STK33: variants seen among roughly 807,000 people sequenced by gnomAD.
The protein encoded by STK33 is serine/threonine kinase 33, also known as serine/threonine-protein kinase 33.
Under a neutral mutation model 58.0 loss-of-function variants are expected in STK33, and 52 were observed. The observed-to-expected ratio is 0.90, with a 90% CI of 0.72 to 1.13. The LOEUF (loss-of-function observed/expected upper bound fraction) is 1.13. Among genes scored for constraint, STK33 ranks in the 50% most tolerant of loss-of-function variants. The pLI is 0.00. For synonymous variants in STK33, 215 were observed against 200.1 expected (o/e 1.07, Z -0.63); for missense variants, 630 against 604.2 (o/e 1.04, Z -0.45).
At chr11:8,545,296 A>G (rs1955825885) in intron 1 of STK33, among the ~76,000 whole-genome samples, 1 of 152,160 alleles carries the variant, frequency 6.6e-6, no homozygotes, top group Non-Finnish European at 1.5e-5. Context: ...TGTTCTTTTC[A>G]TCCTTTTTTA....
At chr11:8,350,586 C>G in the STK33 span, among the ~76,000 whole-genome samples, 90 of 152,320 alleles carry the variant, frequency 5.9e-4, no homozygotes, top group African/African-American at 1.9e-3. Flanking sequence ...CCACCCTCAT[C>G]TTGCACTAGA....
the STK33 span, among the ~76,000 whole-genome samples, chr11:8,358,571 G>A: frequency 6.6e-6 from 1 of 152,156 alleles, no homozygotes; most frequent in African/African-American, 2.4e-5. Flanking sequence ...TGAAGAGATG[G>A]TTGTAGAGGT....
chr11:8,575,248 G>A (rs776707193), intron 1 of STK33, among the ~76,000 whole-genome samples: 2 of 152,120 alleles, frequency 1.3e-5, no homozygotes, highest in Non-Finnish European at 2.9e-5. Flanking sequence ...CTACTCCTAG[G>A]TATACATGCA....
At chr11:8,579,141 T>C (rs1958385763) in intron 1 of STK33, among the ~76,000 whole-genome samples, 1 of 152,038 alleles carries the variant, frequency 6.6e-6, no homozygotes, top group Admixed American at 6.6e-5. Context: ...CAATCATTTC[T>C]GTCCATTTTA....
At chr11:8,363,117 T>C in the STK33 span, among the ~76,000 whole-genome samples, 1 of 151,552 alleles carries the variant, frequency 6.6e-6, no homozygotes, top group Admixed American at 6.6e-5. Flanking sequence ...AGATTAGCGC[T>C]GAGAAGTCCG....
At chr11:8,587,776 T>C (rs181234018) in intron 1 of STK33, among the ~76,000 whole-genome samples, 158 of 152,210 alleles carry the variant, frequency 1.0e-3, no homozygotes, top group African/African-American at 3.8e-3. Context: ...CAAGCGGGAA[T>C]CAGGTTACAA....
chr11:8,499,247 T>A (rs563488981), intron 1 of STK33, among the ~76,000 whole-genome samples: 1 of 151,972 alleles, frequency 6.6e-6, no homozygotes, highest in South Asian at 2.1e-4. Flanking sequence ...AACAACCCCA[T>A]CAAAAAGTGG....
At chr11:8,365,967 T>C in the STK33 span, among the ~76,000 whole-genome samples, 3 of 152,332 alleles carry the variant, frequency 2.0e-5, no homozygotes, top group East Asian at 5.8e-4. Context: ...CTCGGTCTAT[T>C]TCCATTTATT....
chr11:8,479,900 C>A (rs1591388899), intron 2 of STK33, among the ~76,000 whole-genome samples: 1 of 152,176 alleles, frequency 6.6e-6, no homozygotes, highest in Admixed American at 6.5e-5. Flanking sequence ...TTCTCCAGCA[C>A]AGGCCCTTCC....
intron 1 of STK33, among the ~76,000 whole-genome samples, chr11:8,504,921 G>A (rs565177502): frequency 5.3e-5 from 8 of 152,214 alleles, no homozygotes; most frequent in South Asian, 2.1e-4. Context: ...GCAATCTTGC[G>A]GTTCTTTGTG....
chr11:8,561,561 G>A (rs1957113171), intron 1 of STK33, among the ~76,000 whole-genome samples: 1 of 152,016 alleles, frequency 6.6e-6, no homozygotes, highest in Admixed American at 6.6e-5. Flanking sequence ...CTTTGAATCT[G>A]CAGATTACTA....
chr11:8,458,931 C>T (rs112714990), intron 8 of STK33, among the ~76,000 whole-genome samples: 13 of 152,128 alleles, frequency 8.5e-5, no homozygotes, highest in African/African-American at 3.1e-4. Flanking sequence ...TCCTATAGCG[C>T]AATTCAGATT....
intron 15 of STK33, among the ~76,000 whole-genome samples, chr11:8,404,593 G>A (rs1033727868): frequency 5.3e-5 from 8 of 151,970 alleles, no homozygotes; most frequent in African/African-American, 9.7e-5. Context: ...TCAGATATTC[G>A]TAGATTCTCA....
At chr11:8,519,056 T>A (rs1324512799) in intron 1 of STK33, among the ~76,000 whole-genome samples, 3 of 152,098 alleles carry the variant, frequency 2.0e-5, no homozygotes, top group Non-Finnish European at 4.4e-5. Context: ...CAGCACCACA[T>A]CACAATTATT....
chr11:8,498,871 C>A (rs1305678141), intron 1 of STK33, among the ~76,000 whole-genome samples: 1 of 152,194 alleles, frequency 6.6e-6, no homozygotes, highest in African/African-American at 2.4e-5. Flanking sequence ...GGCAAACTGG[C>A]TAGCCATATG....
intron 5 of STK33, among the ~76,000 whole-genome samples, chr11:8,474,072 G>A (rs1456908175): frequency 1.3e-5 from 2 of 152,066 alleles, no homozygotes; most frequent in African/African-American, 4.8e-5. Flanking sequence ...CTACTCAGGA[G>A]GTTGAGCTAG....
the STK33 span, among the ~76,000 whole-genome samples, chr11:8,367,009 A>C: frequency 3.3e-5 from 5 of 152,236 alleles, no homozygotes; most frequent in African/African-American, 9.6e-5. Flanking sequence ...ATTCTTGTGT[A>C]AAAAGAATAC....
the STK33 span, among the ~76,000 whole-genome samples, chr11:8,380,128 C>T: frequency 3.2e-3 from 493 of 152,200 alleles, no homozygotes; most frequent in African/African-American, 0.01. Flanking sequence ...AATTTATATT[C>T]CTTTGGGTAT....
chr11:8,493,210 TAAAG>T (rs1398454040), intron 1 of STK33, among the ~76,000 whole-genome samples: 6 of 151,560 alleles, frequency 4.0e-5, no homozygotes, highest in African/African-American at 1.5e-4. Flanking sequence ...GCAAGACTAA[TAAAG>T]AAGAAAACAG....
Sources: gnomAD v4.1 joint callset for allele counts (sites outside exome capture counted in the v4.1 genomes callset) on GRCh38, gnomAD v4.1.1 for gene constraint, MANE v1.5 for transcripts, NCBI Gene and HGNC (gene_info 2026-07-23, HGNC 2026-07-21) for gene names.